The following GALNT13 variants were observed in gnomAD, a reference collection of about 807,000 sequenced individuals.
GALNT13 encodes UDP-GalNAc:polypeptide N-acetylgalactosaminyltransferase 13.
In GALNT13, 28 loss-of-function variants were observed where a neutral mutation model predicts 64.2. The ratio of observed to expected loss-of-function variants is 0.44; its 90% CI spans 0.32 to 0.60. The LOEUF is 0.60. Among genes scored for constraint, GALNT13 ranks in the 20% least tolerant of loss-of-function variants. The pLI is 0.05. For synonymous variants in GALNT13, 214 were observed against 224.6 expected, an observed-to-expected ratio of 0.95 and a Z score of 0.42; for missense variants, 577 against 669.8, an observed-to-expected ratio of 0.86 and a Z score of 1.53.
At chr2:153,149,507 T>C in the GALNT13 span, among the ~76,000 whole-genome samples, 1 of 151,820 alleles carries the variant, frequency 6.6e-6, no homozygotes, top group Non-Finnish European at 1.5e-5. Context: ...GTCCTGGTTC[T>C]TACTTCTCCT....
chr2:153,724,037 C>G, the GALNT13 span, among the ~76,000 whole-genome samples: 1 of 146,510 alleles, frequency 6.8e-6, no homozygotes, highest in South Asian at 2.2e-4. Context: ...AGGCATCACA[C>G]TACCTGACTT....
the GALNT13 span, among the ~76,000 whole-genome samples, chr2:153,290,836 G>T: frequency 6.6e-6 from 1 of 152,052 alleles, no homozygotes; most frequent in Non-Finnish European, 1.5e-5. Context: ...ATACAGTATT[G>T]ATTCTATTCA....
chr2:153,542,214 G>T, the GALNT13 span, among the ~76,000 whole-genome samples: 76 of 152,114 alleles, frequency 5.0e-4, 1 homozygote, highest in South Asian at 7.1e-3. Flanking sequence ...CAGCTACTTG[G>T]GAGGCTGAGG....
the GALNT13 span, among the ~76,000 whole-genome samples, chr2:153,659,550 T>C: frequency 6.6e-6 from 1 of 152,114 alleles, no homozygotes; most frequent in Non-Finnish European, 1.5e-5. Flanking sequence ...CAAATAAGTA[T>C]AGTACAAAAT....
chr2:153,584,425 C>T, the GALNT13 span, among the ~76,000 whole-genome samples: 11 of 152,178 alleles, frequency 7.2e-5, no homozygotes, highest in East Asian at 1.9e-4. Flanking sequence ...CCTCCCTAGC[C>T]GGGTCTTACC....
the GALNT13 span, among the ~76,000 whole-genome samples, chr2:153,628,207 C>G: frequency 6.6e-6 from 1 of 151,666 alleles, no homozygotes; most frequent in Non-Finnish European, 1.5e-5. Context: ...TATCCTGAGA[C>G]TTTGCTGAAG....
chr2:153,630,984 C>G, the GALNT13 span, among the ~76,000 whole-genome samples: 3 of 150,736 alleles, frequency 2.0e-5, no homozygotes, highest in Non-Finnish European at 4.4e-5. Flanking sequence ...CAACAGGCCC[C>G]GGTGTGCGAT....
At chr2:154,441,345 G>A (rs1433859238) in intron 12 of GALNT13, among the ~76,000 whole-genome samples, 1 of 152,146 alleles carries the variant, frequency 6.6e-6, no homozygotes, top group African/African-American at 2.4e-5. Flanking sequence ...ATTCCAACCT[G>A]TGGAAAGTAA....
At chr2:153,277,908 C>CTTTTCTTTTTTTTTTTTTT in the GALNT13 span, among the ~76,000 whole-genome samples, 9 of 69,620 alleles carry the variant, frequency 1.3e-4, no homozygotes, top group Non-Finnish European at 2.6e-4. Context: ...TTTCTTTTTT[C>CTTTTCTTTTTTTTTTTTTT]TTTTGTTTTC....
the GALNT13 span, among the ~76,000 whole-genome samples, chr2:153,598,646 A>G: frequency 6.6e-6 from 1 of 152,116 alleles, no homozygotes; most frequent in African/African-American, 2.4e-5. Context: ...CATTGTAAGT[A>G]CACAGTACTA....
At chr2:153,288,183 G>A in the GALNT13 span, among the ~76,000 whole-genome samples, 6 of 152,254 alleles carry the variant, frequency 3.9e-5, no homozygotes, top group Middle Eastern at 3.4e-3. Flanking sequence ...TTGCAGTAAT[G>A]TTTGTAATAA....
the GALNT13 span, among the ~76,000 whole-genome samples, chr2:153,742,126 A>G: frequency 6.6e-6 from 1 of 152,012 alleles, no homozygotes; most frequent in Non-Finnish European, 1.5e-5. Flanking sequence ...CCATCTCCCC[A>G]TTAACCCCAA....
At chr2:154,389,142 G>A (rs1698658474) in intron 9 of GALNT13, among the ~76,000 whole-genome samples, 1 of 151,882 alleles carries the variant, frequency 6.6e-6, no homozygotes, top group Non-Finnish European at 1.5e-5. Flanking sequence ...GTTTTTGGGG[G>A]GGTGGTTTTT....
At chr2:153,163,243 T>C in the GALNT13 span, among the ~76,000 whole-genome samples, 1 of 152,136 alleles carries the variant, frequency 6.6e-6, no homozygotes, top group Non-Finnish European at 1.5e-5. Flanking sequence ...GGAATGTCTC[T>C]TCTAGGCAAC....
chr2:153,579,901 G>A, the GALNT13 span, among the ~76,000 whole-genome samples: 1 of 152,128 alleles, frequency 6.6e-6, no homozygotes, highest in Non-Finnish European at 1.5e-5. Context: ...CACCTTCTGT[G>A]GAAAAATTGT....
the GALNT13 span, among the ~76,000 whole-genome samples, chr2:153,118,847 A>C: frequency 2.0e-5 from 3 of 152,110 alleles, no homozygotes; most frequent in Non-Finnish European, 4.4e-5. Flanking sequence ...AGGTTAAATA[A>C]CTTTGAGGTT....
chr2:153,145,655 T>C, the GALNT13 span, among the ~76,000 whole-genome samples: 1 of 151,904 alleles, frequency 6.6e-6, no homozygotes, highest in African/African-American at 2.4e-5. Context: ...TCCAACCAGA[T>C]GCTTGGTGGC....
the GALNT13 span, among the ~76,000 whole-genome samples, chr2:153,723,913 C>G: frequency 6.6e-6 from 1 of 150,732 alleles, no homozygotes; most frequent in African/African-American, 2.5e-5. Context: ...CCATCCCCAT[C>G]AAGCTACCAA....
intron 3 of GALNT13, among the ~76,000 whole-genome samples, chr2:154,016,883 C>A (rs911125029): frequency 6.6e-6 from 1 of 151,912 alleles, no homozygotes; most frequent in Admixed American, 6.5e-5. Context: ...AAAGAGTGAT[C>A]GGTCAAGGGA....
Sources: allele counts gnomAD v4.1 joint callset (sites outside exome capture counted in the v4.1 genomes callset), GRCh38; gene constraint gnomAD v4.1.1; transcripts MANE v1.5; gene names NCBI Gene and HGNC (gene_info 2026-07-23, HGNC 2026-07-21).